Variants in BCLAF1 observed in about 807,000 individuals in gnomAD.
BCLAF1 encodes the protein bcl-2-associated transcription factor 1.
In BCLAF1, 10 loss-of-function variants were observed where a neutral mutation model predicts 99.5. The observed-to-expected ratio is 0.10, with a 90% CI of 0.06 to 0.17. The LOEUF is 0.17. Among genes scored for constraint, BCLAF1 ranks in the 10% least tolerant of loss-of-function variants. The probability of loss-of-function intolerance (pLI) is 1.00; values close to 1 mark genes in which losing one functional copy is unlikely to be tolerated. For synonymous variants in BCLAF1, 255 were observed against 370.9 expected (o/e 0.69, Z 3.59); for missense variants, 636 against 1,105.8 (o/e 0.58, Z 6.02).
At chr6:136,266,050 T>A (rs1781670652) in intron 11 of BCLAF1, among the ~76,000 whole-genome samples, 1 of 152,170 alleles carries the variant, frequency 6.6e-6, no homozygotes, top group Middle Eastern at 3.2e-3. Flanking sequence ...GTAACTTTTT[T>A]TTTTTGGTTC....
Position 136,258,466 on chromosome 6 carries a change from T to C in BCLAF1, c.*2644A>G, listed in dbSNP as rs895556422. The C allele has an allele frequency of 6.6e-6, 1 of 152,408 alleles. No individual in the cohort carries two copies. Among genetic ancestry groups the C allele is most frequent in the South Asian group, 2.1e-4 (1 of 4,832 alleles). The allele number at this position is 152,408 out of a possible 1,614,324, so 9.4% of individuals were successfully genotyped here. On this transcript the variant is annotated 3_prime_UTR_variant, in exon 13 of 13. Transcript: ENST00000531224. ...CAGTAAAGAAAGGTTTGAGGGAGTT[T>C]ATAAAGCATTTATCAAGCCTTACCA...
chr6:136,272,169 T>C (rs1782633237), intron 7 of BCLAF1, 90 bp from the exon 8 acceptor site: 11 of 892,418 alleles, frequency 1.2e-5, no homozygotes, highest in Non-Finnish European at 1.7e-5. Flanking sequence ...CTAAGACAGT[T>C]ATTTCTCTCC....
chr6:136,266,619 T>A (rs911249805), intron 11 of BCLAF1, among the ~76,000 whole-genome samples: 1 of 152,110 alleles, frequency 6.6e-6, no homozygotes, highest in Non-Finnish European at 1.5e-5. Flanking sequence ...AATTCTTAAT[T>A]ACACGTACTT....
At chr6:136,286,179 C>T (rs933532579) in intron 1 of BCLAF1, among the ~76,000 whole-genome samples, 2 of 152,200 alleles carry the variant, frequency 1.3e-5, no homozygotes, top group African/African-American at 4.8e-5. Flanking sequence ...TTTAAGATTA[C>T]TATTTCAAGC....
intron 3 of BCLAF1, among the ~76,000 whole-genome samples, chr6:136,278,994 AACACACACACACACACACAC>A (rs71006795): frequency 6.9e-6 from 1 of 145,406 alleles, no homozygotes; most frequent in Admixed American, 6.9e-5. Context: ...GAAGGCACAA[AACACACACACACACACACAC>A]ACACACACAC....
At chr6:136,274,460 A>C (rs192271340) in intron 6 of BCLAF1, among the ~76,000 whole-genome samples, 210 of 152,188 alleles carry the variant, frequency 1.4e-3, no homozygotes, top group Non-Finnish European at 2.4e-3. Context: ...ATATGGTCAT[A>C]AACTGGTTCA....
At chr6:136,283,866 G>A (rs942654733) in intron 1 of BCLAF1, among the ~76,000 whole-genome samples, 4 of 152,000 alleles carry the variant, frequency 2.6e-5, no homozygotes, top group African/African-American at 9.7e-5. Context: ...AAGTCAAAAA[G>A]CCAAGCAAGA....
At position 136,277,901 on chromosome 6, in the gene BCLAF1, T is replaced by A. The variant is rs766233057; in HGVS notation, c.980A>T (p.Asp327Val). The A allele has an allele frequency of 6.2e-7, 1 of 1,601,624 alleles. No individual in the cohort carries two copies. Among genetic ancestry groups the A allele is most frequent in the Non-Finnish European group, 8.5e-7 (1 of 1,174,976 alleles). ...GRSSFYPDGG[D>V]QETAKTGKFL... ...CTTCCCAGTCTTTGCAGTTTCCTGA[T>A]CTCCACCATCAGGATAAAACGAGGA... Residue 327 changes from aspartate (D) to valine (V), a missense_variant, in exon 4 of 13, where the codon GAT becomes GTT. By Grantham distance (152) the Asp-to-Val change is radical (BLOSUM62 -3). Transcript: ENST00000531224.
intron 2 of BCLAF1, among the ~76,000 whole-genome samples, chr6:136,282,053 A>T (rs1784450472): frequency 6.6e-6 from 1 of 152,240 alleles, no homozygotes; most frequent in Admixed American, 6.5e-5. Context: ...ACAGGGAAAA[A>T]GCTAAGAACA....
chr6:136,268,589 T>A, intron 9 of BCLAF1: 1 of 364,674 alleles, frequency 2.7e-6, no homozygotes, highest in Non-Finnish European at 5.0e-6. Context: ...AGGTCAAGAA[T>A]AAGGTTCAGT....
intron 1 of BCLAF1, among the ~76,000 whole-genome samples, chr6:136,286,878 G>T (rs1785205692): frequency 6.6e-6 from 1 of 152,204 alleles, no homozygotes; most frequent in Non-Finnish European, 1.5e-5. Flanking sequence ...TGAGGCAGGA[G>T]AATCGCTTGA....
chr6:136,289,652 A>G (rs1181235623), intron 1 of BCLAF1, 61 bp downstream of exon 1: 1 of 152,488 alleles, frequency 6.6e-6, no homozygotes, highest in Admixed American at 6.5e-5. Flanking sequence ...AGAGTCAAAA[A>G]TATGGCCTGT....
rs1025471478 is a variant in BCLAF1, at chr6:136,257,735, T to G, written c.*3375A>C. 8 of 152,102 alleles carry G rather than the reference T, an allele frequency of 5.3e-5. No homozygotes were observed. The highest frequency in any genetic ancestry group is 1.9e-4 in the African/African-American group (8 of 41,440). The allele number at this position is 152,102 out of a possible 1,614,324, so 9.4% of individuals were successfully genotyped here. A position where few individuals can be genotyped will look rare whatever the true frequency, so the allele number is the denominator to read the frequency against. ...TAATCCCAATGACAATGAAGTTTAT[T>G]CCTCCATTTGCCTTTCCTCTTCAAC... On this transcript the variant is annotated 3_prime_UTR_variant, in exon 13 of 13. Transcript: ENST00000531224.
At chr6:136,285,724 TA>T (rs1321245266) in intron 1 of BCLAF1, among the ~76,000 whole-genome samples, 2 of 152,208 alleles carry the variant, frequency 1.3e-5, no homozygotes, top group Admixed American at 1.3e-4. Context: ...ATAAGGTTCT[TA>T]AATATCTAAA....
chr6:136,275,827 A>T lies in BCLAF1; in HGVS notation c.1682+16T>A, dbSNP rs2296252. The T allele has an allele frequency of 2.9e-3, 4,632 of 1,602,726 alleles. 129 individuals are homozygous for T. The East Asian group carries it at 0.061, about 21-fold the overall frequency. ...ACTGCCCACAGATTATTTACTGGGC[A>T]TCAATATGGAATTACCTGTTAGAAT... On this transcript the variant is annotated intron_variant, in intron 5 of 12. Transcript: ENST00000531224.
chr6:136,267,277 T>G (rs919955263), intron 10 of BCLAF1, 102 bp from the exon 11 acceptor site: 15 of 1,308,284 alleles, frequency 1.1e-5, no homozygotes, highest in Non-Finnish European at 1.5e-5. Flanking sequence ...ATGCCCTAAT[T>G]TCCTATCTAA....
intron 4 of BCLAF1, 108 bp downstream of exon 4, chr6:136,277,757 T>TA (rs58951987): frequency 0.83 from 1,094,157 of 1,321,338 alleles, 456,844 homozygotes; most frequent in Admixed American, 0.87. Context: ...AAGTCAAGAG[T>TA]AAAAACCGCT....
chr6:136,273,912 T>C (rs1236779161), intron 6 of BCLAF1: 9 of 1,053,662 alleles, frequency 8.5e-6, no homozygotes, highest in African/African-American at 1.7e-5. Flanking sequence ...TGTCACATTA[T>C]GAAGCAAGCT....
Position 136,278,701 on chromosome 6 carries a change from A to G in BCLAF1, c.180T>C (p.Asp60=), listed in dbSNP as rs746707302. The change falls in exon 4 of 13, where the codon GAT becomes GAC. Residue 60 remains aspartate (D), a synonymous_variant. Transcript: ENST00000531224. ...DRMYSRDYRR[D]YRNNRGMRRP... ...GTCTCATTCCTCTATTATTTCTGTA[A>G]TCGCGACGATAATCTCTAGAATACA... is the stretch of plus-strand genomic sequence containing the variant. The G allele has an allele frequency of 1.2e-6, 2 of 1,612,676 alleles. No homozygotes were observed. The highest frequency in any genetic ancestry group is 1.7e-6 in the Non-Finnish European group (2 of 1,179,644).
Sources: gnomAD v4.1 joint callset for allele counts (sites outside exome capture counted in the v4.1 genomes callset) on GRCh38, gnomAD v4.1.1 for gene constraint, MANE v1.5 for transcripts, NCBI Gene and HGNC (gene_info 2026-07-23, HGNC 2026-07-21) for gene names.